The following BIN2 variants were observed in gnomAD, a reference collection of about 807,000 sequenced individuals.
BIN2 encodes the protein breast cancer associated protein BRAP1.
A neutral mutation model predicts 67.9 loss-of-function variants in BIN2; 43 were observed. The ratio of observed to expected loss-of-function variants is 0.63; its 90% CI spans 0.50 to 0.82. The LOEUF is 0.82. Ranked by LOEUF, BIN2 falls within the 40% of genes least tolerant of loss-of-function variation. The pLI, the probability that BIN2 is intolerant of heterozygous loss-of-function variation, is 0.00. For missense variants in BIN2, 581 were observed against 671.6 expected, an observed-to-expected ratio of 0.87 and a Z score of 1.49; for synonymous variants, 244 against 246.8, an observed-to-expected ratio of 0.99 and a Z score of 0.11.
At chr12:51,302,468 A>C in intron 4 of BIN2, 3 of 561,372 alleles carry the variant, frequency 5.3e-6, no homozygotes, top group Non-Finnish European at 9.5e-6. Flanking sequence ...AAAGAGGAGA[A>C]GAGGGTCAAA....
In BIN2 at chr12:51,299,732, G is replaced by A; in HGVS notation, c.409-18C>T. On this transcript the variant is annotated intron_variant, in intron 5 of 12. Transcript: ENST00000615107. ...ATTCTCTCCTGACCCAGGGTAATGA[G>A]AAAGGGTGTGGATACTCACTTTTTA... 1 of 1,609,518 alleles carries A rather than the reference G, an allele frequency of 6.2e-7. No homozygotes were observed. Among genetic ancestry groups the A allele is most frequent in the South Asian group, 1.1e-5 (1 of 90,988 alleles).
rs1268236915 is a variant in BIN2 at position 51,281,438 on chromosome 12, C to G, written c.*61G>C. On this transcript the variant is annotated 3_prime_UTR_variant, in exon 13 of 13. Coordinates refer to ENST00000615107, the MANE Select transcript of BIN2 (RefSeq NM_016293.4). ...GCTCTTATATCCCTCTGACCTATAC[C>G]CTCTGGTTGAAGAGCTTCTCTGGCG... is the stretch of plus-strand genomic sequence containing the variant. 1.3e-6 allele frequency: 2 copies of G among 1,541,254 alleles called. No individual in the cohort carries two copies. Among genetic ancestry groups the G allele is most frequent in the South Asian group, 2.2e-5 (2 of 89,486 alleles).
chr12:51,320,222 A>G (rs987358514), intron 1 of BIN2, among the ~76,000 whole-genome samples: 6 of 152,024 alleles, frequency 3.9e-5, no homozygotes, highest in Non-Finnish European at 1.5e-5. Flanking sequence ...ATTTCGCCAC[A>G]TTGGCCAGCC....
chr12:51,295,558 G>T (rs1353584348), intron 9 of BIN2, among the ~76,000 whole-genome samples: 2 of 58,002 alleles, frequency 3.4e-5, no homozygotes, highest in Admixed American at 2.6e-4. Flanking sequence ...GTGAGACTCC[G>T]TCTCAAAAAA....
chr12:51,299,422 C>A, intron 6 of BIN2, 134 bp from the exon 7 acceptor site: 2 of 999,736 alleles, frequency 2.0e-6, no homozygotes, highest in Non-Finnish European at 1.5e-6. Context: ...TGACCATGCC[C>A]TCCCCAGCCT....
intron 10 of BIN2, among the ~76,000 whole-genome samples, chr12:51,289,732 T>G (rs891165546): frequency 3.9e-5 from 6 of 152,052 alleles, no homozygotes; most frequent in Non-Finnish European, 7.4e-5. Flanking sequence ...AATTTTTTTT[T>G]GAGATAGGGT....
intron 9 of BIN2, among the ~76,000 whole-genome samples, chr12:51,292,628 T>C (rs1456427739): frequency 2.0e-5 from 3 of 152,160 alleles, no homozygotes; most frequent in Non-Finnish European, 4.4e-5. Context: ...ATGGGTGATA[T>C]ACAGTTGAAC....
intron 11 of BIN2, 61 bp from the exon 12 acceptor site, chr12:51,284,848 G>A (rs908714667): frequency 1.6e-6 from 2 of 1,244,172 alleles, no homozygotes; most frequent in African/African-American, 3.0e-5. Flanking sequence ...TCTCAGCATA[G>A]AAGTGTCTTC....
intron 1 of BIN2, among the ~76,000 whole-genome samples, chr12:51,317,651 T>C (rs938970094): frequency 6.0e-5 from 9 of 151,158 alleles, no homozygotes; most frequent in Admixed American, 5.9e-4. Context: ...AGCGAAACTC[T>C]GTCTCAAAAA....
intron 6 of BIN2, 82 bp downstream of exon 6, chr12:51,299,525 G>A: frequency 7.6e-7 from 1 of 1,321,272 alleles, no homozygotes; most frequent in Non-Finnish European, 1.1e-6. Context: ...CTATACCCAT[G>A]TTGGCCCAGC....
chr12:51,321,292 T>C (rs995802108), intron 1 of BIN2, among the ~76,000 whole-genome samples: 2 of 152,220 alleles, frequency 1.3e-5, no homozygotes, highest in African/African-American at 4.8e-5. Context: ...TGAGCCTTGT[T>C]TCCTTATTTC....
chr12:51,298,391 AC>A (rs1945627228), intron 7 of BIN2, among the ~76,000 whole-genome samples: 1 of 151,912 alleles, frequency 6.6e-6, no homozygotes, highest in Non-Finnish European at 1.5e-5. Flanking sequence ...AAACAAACAA[AC>A]AAAAACAAAA....
At chr12:51,307,418 C>T (rs1004383204) in intron 2 of BIN2, among the ~76,000 whole-genome samples, 2 of 151,644 alleles carry the variant, frequency 1.3e-5, no homozygotes, top group Non-Finnish European at 2.9e-5. Context: ...GTTAAATTAC[C>T]TTGCACAGGC....
At chr12:51,324,538 C>CG (rs772204344), upstream of BIN2, 27 of 1,530,514 alleles carry the variant, frequency 1.8e-5, no homozygotes, top group South Asian at 2.6e-4. Context: ...TTTAGGTTCT[C>CG]TGAGTATGCA....
At chr12:51,295,658 A>T (rs2137376131) in intron 9 of BIN2, 138 bp downstream of exon 9, 1 of 352,028 alleles carries the variant, frequency 2.8e-6, no homozygotes, top group South Asian at 7.0e-5. Context: ...TAATTTATAT[A>T]GGAGCATAGT....
chr12:51,318,787 G>A (rs990908441), intron 1 of BIN2, among the ~76,000 whole-genome samples: 1 of 152,190 alleles, frequency 6.6e-6, no homozygotes, highest in Admixed American at 6.5e-5. Flanking sequence ...AGGATTAAAT[G>A]ATATTTTGCA....
chr12:51,288,557 T>A (rs1241686701), intron 10 of BIN2, among the ~76,000 whole-genome samples: 1 of 152,156 alleles, frequency 6.6e-6, no homozygotes, highest in East Asian at 1.9e-4. Context: ...TCTTCCGCAC[T>A]AAAATATAAG....
intron 5 of BIN2, among the ~76,000 whole-genome samples, chr12:51,300,693 T>C (rs1390344394): frequency 6.6e-6 from 1 of 152,186 alleles, no homozygotes; most frequent in Non-Finnish European, 1.5e-5. Context: ...TCACAGAATT[T>C]GAAAAGATCT....
chr12:51,288,014 G>T (rs1238615595), intron 11 of BIN2, 94 bp downstream of exon 11: 7 of 845,782 alleles, frequency 8.3e-6, no homozygotes, highest in Non-Finnish European at 1.3e-5. Flanking sequence ...AAGACTGAAG[G>T]CCTCTGAAAG....
Sources: allele counts gnomAD v4.1 joint callset (sites outside exome capture counted in the v4.1 genomes callset), GRCh38; gene constraint gnomAD v4.1.1; transcripts MANE v1.5; gene names NCBI Gene and HGNC (gene_info 2026-07-23, HGNC 2026-07-21).